Variants in SPPL3 observed in about 807,000 individuals in gnomAD.
SPPL3 encodes signal peptide peptidase-like 3.
Under a neutral mutation model 42.4 loss-of-function variants are expected in SPPL3, and 5 were observed. The observed-to-expected ratio is 0.12, with a 90% CI of 0.06 to 0.25. The LOEUF (loss-of-function observed/expected upper bound fraction) is 0.25, where lower values mean the gene tolerates loss of function less well. SPPL3 is among the 10% of genes least tolerant of loss of function. The pLI is 1.00. For synonymous variants in SPPL3, 195 were observed against 181.8 expected, an observed-to-expected ratio of 1.07 and a Z score of -0.58; for missense variants, 235 against 489.0, an observed-to-expected ratio of 0.48 and a Z score of 4.90.
At chr12:120,879,421 T>C (rs1873213852) in intron 1 of SPPL3, among the ~76,000 whole-genome samples, 2 of 152,108 alleles carry the variant, frequency 1.3e-5, no homozygotes, top group Admixed American at 6.6e-5. Context: ...AGAATGCAAC[T>C]GTGAGTGGTA....
chr12:120,896,050 A>G (rs1354781719), intron 1 of SPPL3, among the ~76,000 whole-genome samples: 2 of 152,170 alleles, frequency 1.3e-5, no homozygotes, highest in Non-Finnish European at 2.9e-5. Flanking sequence ...AAAAAAAAAA[A>G]TCCTTTGGTG....
chr12:120,786,679 G>T (rs1869733576), intron 3 of SPPL3, among the ~76,000 whole-genome samples: 1 of 151,262 alleles, frequency 6.6e-6, no homozygotes, highest in Admixed American at 6.6e-5. Flanking sequence ...ACAGATTTTT[G>T]AACCAGGAGG....
intron 7 of SPPL3, 104 bp from the exon 8 acceptor site, chr12:120,768,592 T>C (rs1488174486): frequency 7.8e-7 from 1 of 1,289,886 alleles, no homozygotes; most frequent in African/African-American, 1.5e-5. Context: ...ATGCTGTGAC[T>C]GCAATGCTTT....
intron 1 of SPPL3, among the ~76,000 whole-genome samples, chr12:120,878,839 C>G (rs564711739): frequency 6.6e-6 from 1 of 152,026 alleles, no homozygotes; most frequent in Non-Finnish European, 1.5e-5. Context: ...TAAGGCCGGG[C>G]GCAGTGGCTC....
At chr12:120,795,625 C>T (rs1030698464) in intron 2 of SPPL3, among the ~76,000 whole-genome samples, 4 of 150,378 alleles carry the variant, frequency 2.7e-5, no homozygotes, top group Non-Finnish European at 4.4e-5. Context: ...TGCTTTTTTG[C>T]CCCCTCTGGC....
intron 1 of SPPL3, among the ~76,000 whole-genome samples, chr12:120,884,549 T>C (rs1873389738): frequency 1.1e-5 from 1 of 89,192 alleles, no homozygotes; most frequent in Non-Finnish European, 2.2e-5. Flanking sequence ...CTTGTATAAT[T>C]TAAAAAAAAA....
rs79024904 is a variant in SPPL3, at chr12:120,833,994, C to T, written c.24-23108G>A. 3.4e-3 allele frequency among the ~76,000 whole-genome samples: 514 copies of T among 152,274 alleles called. 3 individuals carry two copies. Among genetic ancestry groups the T allele is most frequent in the African/African-American group, 0.012 (497 of 41,544 alleles). On this transcript the variant is annotated intron_variant, in intron 1 of 10. Transcript: ENST00000353487. ...GAATAAGCATGCATACAGGGTGACA[C>T]ATTTTCACATGTGCTCTACTTTAAT...
chr12:120,857,546 T>G (rs1872500338), intron 1 of SPPL3, among the ~76,000 whole-genome samples: 1 of 152,162 alleles, frequency 6.6e-6, no homozygotes, highest in African/African-American at 2.4e-5. Flanking sequence ...GCAGCACTAT[T>G]CATAATAGCA....
At chr12:120,777,419 T>G (rs1181315505) in intron 6 of SPPL3, among the ~76,000 whole-genome samples, 2 of 152,250 alleles carry the variant, frequency 1.3e-5, no homozygotes, top group African/African-American at 4.8e-5. Flanking sequence ...ATTCCCTATA[T>G]GCTCTGTTTA....
At chr12:120,883,261 C>T (rs1045537663) in intron 1 of SPPL3, among the ~76,000 whole-genome samples, 22 of 152,088 alleles carry the variant, frequency 1.4e-4, no homozygotes, top group African/African-American at 4.6e-4. Context: ...GCCGAGATCG[C>T]ACCACTGCAC....
chr12:120,768,611 G>A, intron 7 of SPPL3, 123 bp from the exon 8 acceptor site: 1 of 1,149,720 alleles, frequency 8.7e-7, no homozygotes, highest in Middle Eastern at 2.2e-4. Context: ...TTCGTTGACT[G>A]TATGATTTGA....
At chr12:120,834,591 T>C (rs553830168) in intron 1 of SPPL3, among the ~76,000 whole-genome samples, 1 of 152,296 alleles carries the variant, frequency 6.6e-6, no homozygotes, top group East Asian at 1.9e-4. Flanking sequence ...GCATTTCCTC[T>C]CCCGTCGCCA....
intron 1 of SPPL3, among the ~76,000 whole-genome samples, chr12:120,889,286 G>A (rs1873558781): frequency 6.6e-6 from 1 of 152,142 alleles, no homozygotes; most frequent in Non-Finnish European, 1.5e-5. Context: ...CTTTAACTGT[G>A]GTAGATTGCA....
In SPPL3 at chr12:120,834,240, C is replaced by T. The variant is rs139360356; in HGVS notation, c.24-23354G>A. ...ATGAGAATGTTTCAGTTCATTTTTA[C>T]TCCTTGTAGCTGCCTGACCCTTCAA... On this transcript the variant is annotated intron_variant, in intron 1 of 10. Transcript: ENST00000353487. 2.5e-3 allele frequency among the ~76,000 whole-genome samples: 378 copies of T among 152,312 alleles called. 2 individuals carry two copies. The highest frequency in any genetic ancestry group is 8.5e-3 in the African/African-American group (355 of 41,556).
intron 3 of SPPL3, among the ~76,000 whole-genome samples, chr12:120,787,014 T>C (rs1869743704): frequency 6.6e-6 from 1 of 152,178 alleles, no homozygotes; most frequent in Non-Finnish European, 1.5e-5. Flanking sequence ...TAACATTCAA[T>C]GAACATGGCT....
intron 1 of SPPL3, 90 bp from the exon 2 acceptor site, chr12:120,810,976 G>A: frequency 1.3e-6 from 1 of 793,994 alleles, no homozygotes. Flanking sequence ...ACCCCACTGA[G>A]CTTTGTTTTT....
intron 1 of SPPL3, among the ~76,000 whole-genome samples, chr12:120,868,238 G>C (rs971294388): frequency 1.3e-5 from 2 of 151,634 alleles, no homozygotes; most frequent in Non-Finnish European, 2.9e-5. Context: ...CCTGGGTGAC[G>C]GAGCAAGACC....
chr12:120,805,752 C>T (rs937618501), intron 2 of SPPL3, among the ~76,000 whole-genome samples: 1 of 151,990 alleles, frequency 6.6e-6, no homozygotes, highest in African/African-American at 2.4e-5. Context: ...AAAAATTCAT[C>T]AAAAATAACA....
chr12:120,844,658 A>C (rs982420227), intron 1 of SPPL3, among the ~76,000 whole-genome samples: 10 of 152,102 alleles, frequency 6.6e-5, no homozygotes, highest in Admixed American at 2.0e-4. Flanking sequence ...CCCTCTGCTT[A>C]GAATGTGCTT....
Sources: allele counts gnomAD v4.1 joint callset (sites outside exome capture counted in the v4.1 genomes callset), GRCh38; gene constraint gnomAD v4.1.1; transcripts MANE v1.5; gene names NCBI Gene and HGNC (gene_info 2026-07-23, HGNC 2026-07-21).